The following MYO9A variants were observed in gnomAD, a reference collection of about 807,000 sequenced individuals.
MYO9A encodes unconventional myosin-IXa.
In MYO9A, 103 loss-of-function variants were observed where a neutral mutation model predicts 293.3. The observed-to-expected ratio is 0.35, with a 90% confidence interval of 0.30 to 0.41. MYO9A has a LOEUF of 0.41. Among genes scored for constraint, MYO9A ranks in the 10% least tolerant of loss-of-function variants. The probability of loss-of-function intolerance (pLI) is 1.00; values close to 1 mark genes in which losing one functional copy is unlikely to be tolerated. For missense variants in MYO9A, 2,685 were observed against 3,033.0 expected (o/e 0.89, Z 2.69); for synonymous variants, 1,001 against 1,035.7 (o/e 0.97, Z 0.64).
intron 19 of MYO9A, 92 bp from the exon 20 acceptor site, chr15:71,905,098 T>A: frequency 2.7e-6 from 3 of 1,110,446 alleles, no homozygotes; most frequent in Admixed American, 2.3e-5. Context: ...GGCAAAACAT[T>A]CAAAAAGTAG....
At chr15:71,988,395 A>G (rs1188323964) in intron 11 of MYO9A, among the ~76,000 whole-genome samples, 1 of 152,196 alleles carries the variant, frequency 6.6e-6, no homozygotes, top group African/African-American at 2.4e-5. Context: ...AACTAGAATA[A>G]AAACAGTACT....
chr15:71,841,489 C>T (rs2055158397), intron 39 of MYO9A, among the ~76,000 whole-genome samples: 1 of 152,098 alleles, frequency 6.6e-6, no homozygotes, highest in South Asian at 2.1e-4. Context: ...CTCCACAGAT[C>T]AACAAACATG....
At chr15:71,843,590 G>C (rs1567188512) in intron 39 of MYO9A, among the ~76,000 whole-genome samples, 1 of 152,200 alleles carries the variant, frequency 6.6e-6, no homozygotes, top group Non-Finnish European at 1.5e-5. Flanking sequence ...TCAGGCTCAA[G>C]CGATCCTCCC....
intron 1 of MYO9A, among the ~76,000 whole-genome samples, chr15:72,103,578 AAGCAGAAGC>A (rs1011238495): frequency 9.5e-4 from 144 of 152,054 alleles, no homozygotes; most frequent in Middle Eastern, 3.4e-3. Context: ...GAAGCAGTGG[AAGCAGAAGC>A]AGCAGAAGCA....
At chr15:71,997,713 T>C (rs188508768) in intron 9 of MYO9A, among the ~76,000 whole-genome samples, 64 of 151,988 alleles carry the variant, frequency 4.2e-4, no homozygotes, top group Admixed American at 1.0e-3. Flanking sequence ...TAAAAAAAAT[T>C]TGTAATGAAA....
intron 1 of MYO9A, among the ~76,000 whole-genome samples, chr15:72,087,117 C>T (rs1425492727): frequency 6.6e-6 from 1 of 152,158 alleles, no homozygotes; most frequent in East Asian, 1.9e-4. Flanking sequence ...GTCAGGTCAG[C>T]CAGCCCAGGA....
intron 18 of MYO9A, among the ~76,000 whole-genome samples, chr15:71,919,873 A>T (rs1303546193): frequency 6.7e-6 from 1 of 150,310 alleles, no homozygotes; most frequent in Non-Finnish European, 1.5e-5. Flanking sequence ...GCTAGCAACT[A>T]ATGAACTTTG....
rs549839328 is a variant in MYO9A, at chr15:72,110,106, C to CA, written c.-72+7573dup. Among the ~76,000 whole-genome samples the CA allele has an allele frequency of 3.3e-5, 5 of 150,848 alleles. No homozygotes were observed. In the South Asian group the frequency reaches 6.3e-4, roughly 19 times the overall value. The stretch of plus-strand genomic sequence containing the variant: ...CCCAGGAGCTTGAGTCCAGCCTGGG[C>CA]AATACAGTGAGATGCTGTCTCAAGA... On this transcript the variant is annotated intron_variant, in intron 1 of 41. Transcript: ENST00000356056.
chr15:72,087,451 C>T (rs1335257332), intron 1 of MYO9A, among the ~76,000 whole-genome samples: 4 of 152,202 alleles, frequency 2.6e-5, no homozygotes, highest in Non-Finnish European at 5.9e-5. Flanking sequence ...CTCGAGTGTC[C>T]ATGAAGTTTG....
chr15:72,015,741 G>A (rs2077316472), intron 6 of MYO9A, among the ~76,000 whole-genome samples: 1 of 145,576 alleles, frequency 6.9e-6, no homozygotes, highest in African/African-American at 2.6e-5. Context: ...AGGATGGAGT[G>A]CAGTGGCGTG....
At chr15:71,953,873 T>G (rs1233168475) in intron 14 of MYO9A, among the ~76,000 whole-genome samples, 1 of 147,428 alleles carries the variant, frequency 6.8e-6, no homozygotes, top group African/African-American at 2.5e-5. Context: ...ATCAACTGTT[T>G]TTTTGTTTTG....
intron 16 of MYO9A, among the ~76,000 whole-genome samples, chr15:71,935,827 C>T (rs1047745636): frequency 5.9e-5 from 9 of 151,568 alleles, no homozygotes; most frequent in South Asian, 2.1e-4. Flanking sequence ...TTTTCAAATG[C>T]TACTATAGGA....
At chr15:71,849,119 T>C in intron 38 of MYO9A, 151 bp from the exon 39 acceptor site, 1 of 805,064 alleles carries the variant, frequency 1.2e-6, no homozygotes, top group Non-Finnish European at 1.8e-6. Context: ...TTTAGAATGG[T>C]GGTTCACAAC....
At chr15:72,007,709 C>A in intron 8 of MYO9A, 117 bp downstream of exon 8, 5 of 919,632 alleles carry the variant, frequency 5.4e-6, no homozygotes, top group South Asian at 2.4e-5. Context: ...AAAAATAGTG[C>A]CTAATAAAAG....
At position 71,825,287 on chromosome 15, in the gene MYO9A, G is replaced by A. The variant is rs183772823; in HGVS notation, c.*1293C>T. 2.4e-4 allele frequency: 37 copies of A among 152,270 alleles called. No homozygotes were observed. The highest frequency in any genetic ancestry group is 8.9e-4 in the African/African-American group (37 of 41,568). 9.4% of individuals were successfully genotyped at this position (152,270 alleles called of 1,614,324 possible). A position where few individuals can be genotyped will look rare whatever the true frequency, so the allele number is the denominator to read the frequency against. ...AATGGCTCTCATCCCCCTGTCCAGT[G>A]GCCCCTCATCTGTGGGAAGAAATTC... On this transcript the variant is annotated 3_prime_UTR_variant, in exon 42 of 42. Coordinates refer to ENST00000356056, the MANE Select transcript of MYO9A (RefSeq NM_006901.4).
intron 39 of MYO9A, among the ~76,000 whole-genome samples, chr15:71,835,774 T>G (rs1299176873): frequency 6.6e-6 from 1 of 152,118 alleles, no homozygotes; most frequent in East Asian, 1.9e-4. Context: ...TCATAATTTA[T>G]ATGGCATATA....
chr15:71,889,393 A>G (rs569923259), intron 26 of MYO9A: 2 of 152,070 alleles, frequency 1.3e-5, no homozygotes, highest in South Asian at 2.1e-4. Flanking sequence ...TCTCACCTCA[A>G]TAGTCAAGAA....
chr15:71,951,931 G>A (rs149883401), intron 14 of MYO9A, 35 bp from the exon 15 acceptor site: 25,123 of 1,546,186 alleles, frequency 0.016, 212 homozygotes, highest in East Asian at 0.025. Context: ...AAAAAAAAAA[G>A]GAGAAAAGAA....
rs1239717164 is a variant in MYO9A at position 71,956,226 on chromosome 15, C to T, written c.2182+3675G>A. On this transcript the variant is annotated intron_variant, in intron 14 of 41. Transcript: ENST00000356056. Reference sequence around the variant, plus strand: ...TTGAGATGCTGAAGCAGGAAGATAACATGAGCCCAGGAGTTTGAGGCTACA... The same window carrying T: ...TTGAGATGCTGAAGCAGGAAGATAATATGAGCCCAGGAGTTTGAGGCTACA... 2.7e-5 allele frequency among the ~76,000 whole-genome samples: 4 copies of T among 146,996 alleles called. No homozygotes were observed. The East Asian group carries it at 8.1e-4, about 30-fold the overall frequency.
Sources: allele counts gnomAD v4.1 joint callset (sites outside exome capture counted in the v4.1 genomes callset), GRCh38; gene constraint gnomAD v4.1.1; transcripts MANE v1.5; gene names NCBI Gene and HGNC (gene_info 2026-07-23, HGNC 2026-07-21).